The following WASF3 variants were observed in gnomAD, a reference collection of about 807,000 sequenced individuals.
The protein encoded by WASF3 is WASP family member 3, also known as actin-binding protein WASF3.
Under a neutral mutation model 46.6 loss-of-function variants are expected in WASF3, and 11 were observed. The ratio of observed to expected loss-of-function variants is 0.24; its 90% CI spans 0.15 to 0.39. WASF3 has a LOEUF of 0.39. Ranked by LOEUF, WASF3 falls within the 10% of genes least tolerant of loss-of-function variation. The pLI, the probability that WASF3 is intolerant of heterozygous loss-of-function variation, is 1.00. For synonymous variants in WASF3, 242 were observed against 259.7 expected, an observed-to-expected ratio of 0.93 and a Z score of 0.65; for missense variants, 576 against 669.8, an observed-to-expected ratio of 0.86 and a Z score of 1.55.
At chr13:26,566,784 A>T (rs1256679450) in intron 1 of WASF3, among the ~76,000 whole-genome samples, 7 of 152,242 alleles carry the variant, frequency 4.6e-5, no homozygotes, top group African/African-American at 7.2e-5. Flanking sequence ...TTTAGGCTGG[A>T]CACATAGCAG....
intron 1 of WASF3, among the ~76,000 whole-genome samples, chr13:26,591,636 G>A (rs1201135581): frequency 6.6e-6 from 1 of 152,126 alleles, no homozygotes. Context: ...TTCATATTAG[G>A]GTTGTGTATT....
chr13:26,547,012 C>T, the WASF3 span, among the ~76,000 whole-genome samples: 1 of 152,146 alleles, frequency 6.6e-6, no homozygotes, highest in Non-Finnish European at 1.5e-5. Flanking sequence ...ACCAGTGAAA[C>T]TGAAGGAGCA....
rs138023399 is a variant in WASF3 at position 26,609,855 on chromosome 13, A to T, written c.-108-3106A>T. 2.9e-3 allele frequency among the ~76,000 whole-genome samples: 437 copies of T among 152,290 alleles called. 4 individuals are homozygous for T. The highest frequency in any genetic ancestry group is 0.01 in the African/African-American group (424 of 41,556). ...TTCTTTGCAGTATTTCTTTTCCCAG[A>T]TGTTGGTAATAACACCTTCAGTACA... On this transcript the variant is annotated intron_variant, in intron 1 of 9. Coordinates refer to ENST00000335327, the MANE Select transcript of WASF3 (RefSeq NM_006646.6).
intron 1 of WASF3, among the ~76,000 whole-genome samples, chr13:26,610,374 G>A (rs1275651756): frequency 1.3e-5 from 2 of 152,152 alleles, no homozygotes; most frequent in African/African-American, 2.4e-5. Flanking sequence ...CTGGCCCCAC[G>A]GAATGCTACA....
chr13:26,599,346 C>T (rs1404016452), intron 1 of WASF3, among the ~76,000 whole-genome samples: 1 of 152,070 alleles, frequency 6.6e-6, no homozygotes, highest in Non-Finnish European at 1.5e-5. Context: ...CCAAGCCCGG[C>T]TAATTTTCTG....
intron 1 of WASF3, among the ~76,000 whole-genome samples, chr13:26,585,464 C>T (rs2137174939): frequency 6.6e-6 from 1 of 152,284 alleles, no homozygotes; most frequent in African/African-American, 2.4e-5. Flanking sequence ...TTACTATACT[C>T]AGTCATATGG....
intron 1 of WASF3, among the ~76,000 whole-genome samples, chr13:26,603,856 G>T (rs1352571182): frequency 6.6e-6 from 1 of 152,070 alleles, no homozygotes; most frequent in Non-Finnish European, 1.5e-5. Flanking sequence ...TTCATAGGTG[G>T]CATGATAAAC....
At chr13:26,644,464 T>A (rs1355688318) in intron 3 of WASF3, among the ~76,000 whole-genome samples, 1 of 152,218 alleles carries the variant, frequency 6.6e-6, no homozygotes, top group Non-Finnish European at 1.5e-5. Context: ...TAGTCAGTTC[T>A]GAGTTACGCT....
chr13:26,599,866 G>C (rs539818383), intron 1 of WASF3, among the ~76,000 whole-genome samples: 1 of 152,290 alleles, frequency 6.6e-6, no homozygotes, highest in South Asian at 2.1e-4. Context: ...CATCCCATGG[G>C]ATTTGATTCA....
intron 7 of WASF3, chr13:26,680,281 C>T (rs1883187198): frequency 2.8e-6 from 4 of 1,448,004 alleles, no homozygotes; most frequent in African/African-American, 1.4e-5. Context: ...TACAGCCCCT[C>T]CTGGCCACAT....
At chr13:26,664,324 C>T (rs1401929333) in intron 3 of WASF3, among the ~76,000 whole-genome samples, 1 of 152,172 alleles carries the variant, frequency 6.6e-6, no homozygotes, top group African/African-American at 2.4e-5. Flanking sequence ...ATATTTGTTG[C>T]ATGGATAAAG....
chr13:26,559,797 T>C (rs1310546062), intron 1 of WASF3, among the ~76,000 whole-genome samples: 2 of 61,288 alleles, frequency 3.3e-5, no homozygotes, highest in Non-Finnish European at 6.4e-5. Flanking sequence ...CTTTTCTTTC[T>C]TTCTTTCTTT....
intron 9 of WASF3, among the ~76,000 whole-genome samples, chr13:26,683,301 A>G (rs533541009): frequency 1.1e-4 from 16 of 152,072 alleles, no homozygotes; most frequent in Non-Finnish European, 1.5e-4. Flanking sequence ...GCAAAACTCT[A>G]TCCCTACAAA....
intron 1 of WASF3, among the ~76,000 whole-genome samples, chr13:26,601,603 A>G (rs889318940): frequency 6.6e-6 from 1 of 152,238 alleles, no homozygotes; most frequent in African/African-American, 2.4e-5. Context: ...AAACTCTACA[A>G]GAGCAAATGA....
At chr13:26,633,171 C>T (rs1881705135) in intron 2 of WASF3, among the ~76,000 whole-genome samples, 1 of 132,908 alleles carries the variant, frequency 7.5e-6, no homozygotes. Context: ...TCTTTATCTC[C>T]TTCAGTTCTG....
intron 3 of WASF3, among the ~76,000 whole-genome samples, chr13:26,649,638 T>G (rs188231879): frequency 7.9e-5 from 12 of 152,168 alleles, no homozygotes; most frequent in Non-Finnish European, 1.6e-4. Context: ...GAGGACAAGT[T>G]TGAGAGTTAA....
chr13:26,680,004 A>AC, intron 7 of WASF3: 1 of 1,587,340 alleles, frequency 6.3e-7, no homozygotes, highest in Non-Finnish European at 8.5e-7. Flanking sequence ...CTCCCTCAGC[A>AC]CCCCCAATGT....
intron 3 of WASF3, among the ~76,000 whole-genome samples, chr13:26,645,869 T>C (rs1304546926): frequency 6.6e-6 from 1 of 151,976 alleles, no homozygotes; most frequent in Admixed American, 6.6e-5. Context: ...TTTTAAAGAG[T>C]TTGGAAGTCA....
chr13:26,655,826 C>A (rs141151301), intron 3 of WASF3, among the ~76,000 whole-genome samples: 1 of 152,174 alleles, frequency 6.6e-6, no homozygotes, highest in Non-Finnish European at 1.5e-5. Context: ...TGGTGGGAGC[C>A]CTTTCAGACA....
Sources: allele counts gnomAD v4.1 joint callset (sites outside exome capture counted in the v4.1 genomes callset), GRCh38; gene constraint gnomAD v4.1.1; transcripts MANE v1.5; gene names NCBI Gene and HGNC (gene_info 2026-07-23, HGNC 2026-07-21).